FGD2: variants seen among roughly 807,000 people sequenced by gnomAD.
The protein encoded by FGD2 is FYVE, RhoGEF and PH domain-containing protein 2.
In FGD2, 52 loss-of-function variants were observed where a neutral mutation model predicts 75.9. That is an observed-to-expected ratio of 0.69 (90% CI 0.55 to 0.86). FGD2 has a LOEUF of 0.86. FGD2 is among the 40% of genes least tolerant of loss of function. The probability of loss-of-function intolerance (pLI) is 0.00; values close to 1 mark genes in which losing one functional copy is unlikely to be tolerated. For synonymous variants in FGD2, 347 were observed against 348.6 expected (o/e 1.00, Z 0.05); for missense variants, 790 against 872.0 (o/e 0.91, Z 1.18).
chr6:37,014,423 C>T, intron 6 of FGD2: 1 of 631,426 alleles, frequency 1.6e-6, no homozygotes. Context: ...GTGAGAGTCA[C>T]CAAAGCCAAA....
intron 12 of FGD2, 68 bp from the exon 13 acceptor site, chr6:37,022,171 G>A (rs1561939820): frequency 1.3e-6 from 2 of 1,538,312 alleles, no homozygotes; most frequent in Non-Finnish European, 1.8e-6. Context: ...AGGGCCCCAG[G>A]CCCTGGGAGG....
intron 13 of FGD2, chr6:37,024,033 A>G (rs1765707315): frequency 6.6e-6 from 1 of 152,186 alleles, no homozygotes; most frequent in Non-Finnish European, 1.5e-5. Context: ...TGATGATGCA[A>G]CATATCTAGA....
At chr6:37,025,693 TCCC>T (rs1402709633) in intron 13 of FGD2, 96 bp from the exon 14 acceptor site, 1 of 1,282,394 alleles carries the variant, frequency 7.8e-7, no homozygotes, top group African/African-American at 1.5e-5. Context: ...CCTCCCCCAG[TCCC>T]TGGTTGCTCT....
chr6:37,005,812 G>C lies in FGD2; in HGVS notation c.-6G>C. On this transcript the variant is annotated 5_prime_UTR_variant, in exon 1 of 16. Coordinates refer to ENST00000274963, the MANE Select transcript of FGD2 (RefSeq NM_173558.4). ...GTAGCTGAGATCCACCCCGGAAACC[G>C]GCAGGATGAAGGGGGCAAGTGAGGA... 1 of 1,613,604 alleles carries C rather than the reference G, an allele frequency of 6.2e-7. No homozygotes were observed. The highest frequency in any genetic ancestry group is 8.5e-7 in the Non-Finnish European group (1 of 1,179,918).
At chr6:37,017,951 TGCA>T (rs1765382989) in intron 9 of FGD2, among the ~76,000 whole-genome samples, 1 of 152,040 alleles carries the variant, frequency 6.6e-6, no homozygotes, top group Non-Finnish European at 1.5e-5. Context: ...CTTTTAGGAG[TGCA>T]GCCCCGGCCC....
intron 9 of FGD2, 139 bp from the exon 10 acceptor site, chr6:37,020,402 T>G: frequency 1.3e-6 from 1 of 779,706 alleles, no homozygotes; most frequent in East Asian, 2.7e-5. Context: ...ATTAGAGAGG[T>G]GGCGAACAAG....
At chr6:37,025,577 C>T in intron 13 of FGD2, 3 of 582,784 alleles carry the variant, frequency 5.1e-6, no homozygotes, top group South Asian at 4.1e-5. Flanking sequence ...CCTAAGAGCC[C>T]CGAGCCCGAG....
chr6:37,009,114 T>G, intron 2 of FGD2, 49 bp downstream of exon 2: 14 of 1,529,676 alleles, frequency 9.2e-6, no homozygotes, highest in African/African-American at 1.4e-5. Flanking sequence ...TGGGGAGCTC[T>G]CCCTGACCTC....
chr6:37,008,845 C>A lies in FGD2; in HGVS notation c.80C>A (p.Ala27Glu). 6.3e-7 allele frequency: 1 copy of A among 1,591,022 alleles called. No homozygotes were observed. The highest frequency in any genetic ancestry group is 1.1e-5 in the South Asian group (1 of 88,728). The change falls in exon 2 of 16, where the codon GCA (alanine) becomes GAA (glutamate). Residue 27 changes from alanine (A) to glutamate (E), a missense_variant. By Grantham distance (107) the Ala-to-Glu change is moderately radical. Coordinates refer to ENST00000274963, the MANE Select transcript of FGD2 (RefSeq NM_173558.4). ...TVFENSRTPE[A>E]APRGQRLEDV... The stretch of plus-strand genomic sequence containing the variant: ...TCTCTTCTCCTCAGGACCCCAGAAG[C>A]AGCACCCAGAGGCCAGAGGCTAGAG...
At position 37,028,469 on chromosome 6, in the gene FGD2, G is replaced by T. The variant is rs190291986; in HGVS notation, c.*306G>T. 85 of 362,982 alleles carry T rather than the reference G, an allele frequency of 2.3e-4. No homozygotes were observed. The highest frequency in any genetic ancestry group is 2.1e-3 in the Middle Eastern group (3 of 1,430). The allele number at this position is 362,982 out of a possible 1,614,324, so 22.5% of individuals were successfully genotyped here. The stretch of plus-strand genomic sequence containing the variant: ...CCCGGACTGGTGGTCACCATAGTAT[G>T]GTTTTTCATTTGTATCTCCTGGGGA... On this transcript the variant is annotated 3_prime_UTR_variant, in exon 16 of 16. Transcript: ENST00000274963.
intron 11 of FGD2, among the ~76,000 whole-genome samples, chr6:37,021,228 T>C (rs1296329152): frequency 6.6e-6 from 1 of 152,102 alleles, no homozygotes; most frequent in East Asian, 1.9e-4. Context: ...AGCTGCTCTG[T>C]GGTAGTTTGG....
intron 4 of FGD2, among the ~76,000 whole-genome samples, chr6:37,012,359 G>T (rs946361352): frequency 1.3e-5 from 2 of 152,184 alleles, no homozygotes; most frequent in African/African-American, 4.8e-5. Context: ...GCTAGTAATT[G>T]TTAAACCTAG....
In FGD2 at chr6:37,028,385, G is replaced by A. The variant is rs1765933239; in HGVS notation, c.*222G>A. On this transcript the variant is annotated 3_prime_UTR_variant, in exon 16 of 16. Coordinates refer to ENST00000274963, the MANE Select transcript of FGD2 (RefSeq NM_173558.4). ...CCAAGTGTCTCAGTTTGCCTTGCGGGGAGGGGGCTCCTGGGCCATGGGACT... is the reference window on the plus strand; with the variant it reads ...CCAAGTGTCTCAGTTTGCCTTGCGGAGAGGGGGCTCCTGGGCCATGGGACT... 11 of 517,686 alleles carry A rather than the reference G, an allele frequency of 2.1e-5. No homozygotes were observed. Among genetic ancestry groups the A allele is most frequent in the Admixed American group, 3.4e-5 (1 of 29,676 alleles). The allele number at this position is 517,686 out of a possible 1,614,324, so 32.1% of individuals were successfully genotyped here.
In FGD2 at chr6:37,021,032, GTA is replaced by G. The variant is rs529689944; in HGVS notation, c.1233+297_1233+298del. Among the ~76,000 whole-genome samples, 1,190 of 151,758 alleles carry G rather than the reference GTA, an allele frequency of 7.8e-3. 18 individuals carry two copies. Among genetic ancestry groups the G allele is most frequent in the African/African-American group, 0.027 (1,122 of 41,320 alleles). ...CGTGTGTACATGTATGTGTGTATGT[GTA>G]TATGTGTGTTTGTGTGCATGCATGT... is the stretch of plus-strand genomic sequence containing the variant. On this transcript the variant is annotated intron_variant, in intron 11 of 15. Coordinates refer to ENST00000274963, the MANE Select transcript of FGD2 (RefSeq NM_173558.4).
At chr6:37,014,369 C>A (rs1765172419) in intron 6 of FGD2, 1 of 615,506 alleles carries the variant, frequency 1.6e-6, no homozygotes. Context: ...AAAGCCCATG[C>A]TCCTTCCATT....
Position 37,011,842 on chromosome 6 carries a change from G to A in FGD2, c.515G>A (p.Arg172His), listed in dbSNP as rs750711356. Residue 172 changes from arginine (R) to histidine (H), a missense_variant, in exon 4 of 16, where the codon CGC becomes CAC. Coordinates refer to ENST00000274963, the MANE Select transcript of FGD2 (RefSeq NM_173558.4). ...SQFFLPELQRRLDDWTANPRI... is the reference protein window; with the variant it reads ...SQFFLPELQRHLDDWTANPRI... ...TTCTTCCTCCCAGAGCTGCAGCGGC[G>A]CCTGGACGACTGGTGAGGTCCACCA... 13 of 1,613,746 alleles carry A rather than the reference G, an allele frequency of 8.1e-6. No individual in the cohort carries two copies. The highest frequency in any genetic ancestry group is 3.3e-5 in the Admixed American group (2 of 59,972).
chr6:37,012,845 A>G (rs1765077206), intron 4 of FGD2, among the ~76,000 whole-genome samples: 1 of 151,556 alleles, frequency 6.6e-6, no homozygotes. Flanking sequence ...GAACACAGCT[A>G]GCATGATTTG....
chr6:37,026,798 G>A (rs953478825), intron 14 of FGD2, among the ~76,000 whole-genome samples: 3 of 151,526 alleles, frequency 2.0e-5, no homozygotes, highest in African/African-American at 7.3e-5. Flanking sequence ...TCAGGAGTTC[G>A]AGACCAGCCT....
At chr6:37,015,095 C>G (rs1765218787) in intron 8 of FGD2, 57 bp downstream of exon 8, 4 of 1,574,790 alleles carry the variant, frequency 2.5e-6, no homozygotes, top group African/African-American at 2.7e-5. Context: ...ATGGGCCACT[C>G]TGGCCCGAGT....
Sources: gnomAD v4.1 joint callset for allele counts (sites outside exome capture counted in the v4.1 genomes callset) on GRCh38, gnomAD v4.1.1 for gene constraint, MANE v1.5 for transcripts, NCBI Gene and HGNC (gene_info 2026-07-23, HGNC 2026-07-21) for gene names.